Variants in CSMD1 observed in about 807,000 individuals in gnomAD.
CSMD1 encodes CUB and sushi domain-containing protein 1.
Under a neutral mutation model 417.5 loss-of-function variants are expected in CSMD1, and 213 were observed. The ratio of observed to expected loss-of-function variants is 0.51; its 90% CI spans 0.46 to 0.57. The LOEUF is 0.57. Among genes scored for constraint, CSMD1 ranks in the 20% least tolerant of loss-of-function variants. CSMD1 has a pLI of 0.00. For synonymous variants in CSMD1, 2,862 were observed against 1,736.8 expected, an observed-to-expected ratio of 1.65 and a Z score of -16.11; for missense variants, 6,923 against 4,529.7, an observed-to-expected ratio of 1.53 and a Z score of -15.17.
chr8:4,697,271 C>A (rs1807194924), intron 1 of CSMD1, among the ~76,000 whole-genome samples: 1 of 152,088 alleles, frequency 6.6e-6, no homozygotes, highest in Admixed American at 6.6e-5. Flanking sequence ...GAACATATAG[C>A]AAGACAAGAT....
chr8:4,890,908 G>T (rs1216129434), intron 1 of CSMD1, among the ~76,000 whole-genome samples: 1 of 152,094 alleles, frequency 6.6e-6, no homozygotes, highest in East Asian at 1.9e-4. Flanking sequence ...CACAAGGAGG[G>T]AGTGGTGCAC....
intron 6 of CSMD1, among the ~76,000 whole-genome samples, chr8:3,724,974 A>G (rs1802400053): frequency 6.6e-6 from 1 of 152,222 alleles, no homozygotes; most frequent in South Asian, 2.1e-4. Flanking sequence ...CAACGCAACT[A>G]GCTTTGTTTG....
At chr8:4,283,133 A>C (rs990402449) in intron 3 of CSMD1, among the ~76,000 whole-genome samples, 6 of 152,194 alleles carry the variant, frequency 3.9e-5, no homozygotes, top group African/African-American at 1.4e-4. Context: ...CATGGATAAA[A>C]ACACTCAATT....
At chr8:4,163,684 C>T (rs1455414774) in intron 3 of CSMD1, among the ~76,000 whole-genome samples, 1 of 152,056 alleles carries the variant, frequency 6.6e-6, no homozygotes, top group Non-Finnish European at 1.5e-5. Flanking sequence ...CAAGAAGTAA[C>T]ATATAAATAA....
chr8:4,076,367 T>C (rs947967655), intron 3 of CSMD1, among the ~76,000 whole-genome samples: 2 of 152,222 alleles, frequency 1.3e-5, no homozygotes, highest in Non-Finnish European at 2.9e-5. Context: ...CTTTAAAAGT[T>C]ACCCTGTCTG....
chr8:3,148,674 G>C (rs966280993), intron 40 of CSMD1, among the ~76,000 whole-genome samples: 2 of 152,162 alleles, frequency 1.3e-5, no homozygotes, highest in Admixed American at 6.5e-5. Context: ...TTGAAAGCTA[G>C]GTAGTAAAAT....
chr8:3,645,764 G>A (rs1471630236), intron 7 of CSMD1, among the ~76,000 whole-genome samples: 1 of 152,184 alleles, frequency 6.6e-6, no homozygotes, highest in Non-Finnish European at 1.5e-5. Flanking sequence ...GTTATTATAA[G>A]AAAAGGTGAG....
intron 2 of CSMD1, among the ~76,000 whole-genome samples, chr8:4,547,767 G>C (rs1404372985): frequency 1.3e-5 from 2 of 152,170 alleles, no homozygotes; most frequent in Non-Finnish European, 2.9e-5. Flanking sequence ...GAAAACTCTT[G>C]TACCCTGGAA....
intron 12 of CSMD1, among the ~76,000 whole-genome samples, chr8:3,424,656 G>C (rs764780466): frequency 6.6e-6 from 1 of 152,144 alleles, no homozygotes; most frequent in Non-Finnish European, 1.5e-5. Context: ...AAAAAAATGT[G>C]TGTTTCTGTG....
intron 5 of CSMD1, among the ~76,000 whole-genome samples, chr8:3,778,764 T>C (rs1799024823): frequency 1.3e-5 from 2 of 152,220 alleles, no homozygotes; most frequent in South Asian, 4.1e-4. Flanking sequence ...TAATTGCTTG[T>C]GATTGGGTAT....
At chr8:3,588,794 C>G (rs1057083750) in intron 8 of CSMD1, among the ~76,000 whole-genome samples, 2 of 151,920 alleles carry the variant, frequency 1.3e-5, no homozygotes, top group South Asian at 2.1e-4. Context: ...GAAGAGACAC[C>G]CTGCAGAATG....
At position 4,681,417 on chromosome 8, in the gene CSMD1, A is replaced by G. The variant is rs537259409; in HGVS notation, c.86-43859T>C. Among the ~76,000 whole-genome samples the G allele has an allele frequency of 2.6e-4, 39 of 152,286 alleles. No individual in the cohort carries two copies. The South Asian group carries it at 8.1e-3, about 32-fold the overall frequency. ...CAGTATCTATTTCCCTCTTTCCATC[A>G]TCTTTACAAAACCCCAGCTTTTCCA... On this transcript the variant is annotated intron_variant, in intron 1 of 69. Transcript: ENST00000635120.
At chr8:4,437,433 T>C (rs1162070719) in intron 2 of CSMD1, among the ~76,000 whole-genome samples, 2 of 152,176 alleles carry the variant, frequency 1.3e-5, no homozygotes, top group African/African-American at 4.8e-5. Context: ...GTCATGATTA[T>C]CCGTAAAATC....
At chr8:4,719,070 T>C (rs1352865381) in intron 1 of CSMD1, among the ~76,000 whole-genome samples, 1 of 152,054 alleles carries the variant, frequency 6.6e-6, no homozygotes, top group African/African-American at 2.4e-5. Flanking sequence ...GAGAGAGAGC[T>C]AGAATTTTGT....
chr8:4,581,963 T>C (rs75719971), intron 2 of CSMD1, among the ~76,000 whole-genome samples: 7,499 of 152,232 alleles, frequency 0.049, 320 homozygotes, highest in Middle Eastern at 0.13. Context: ...TAAGGAAGCA[T>C]TTGATGGAAG....
chr8:4,825,241 G>A (rs1799757263), intron 1 of CSMD1, among the ~76,000 whole-genome samples: 1 of 152,010 alleles, frequency 6.6e-6, no homozygotes, highest in Admixed American at 6.6e-5. Flanking sequence ...ATACTTGGAG[G>A]CATTTGAAAT....
intron 7 of CSMD1, among the ~76,000 whole-genome samples, chr8:3,625,747 T>A (rs999337646): frequency 1.3e-5 from 2 of 152,126 alleles, no homozygotes; most frequent in African/African-American, 4.8e-5. Flanking sequence ...CCTACAGAGA[T>A]CCTATGATCT....
intron 26 of CSMD1, among the ~76,000 whole-genome samples, chr8:3,247,461 C>T (rs1252561157): frequency 6.6e-6 from 1 of 152,200 alleles, no homozygotes; most frequent in African/African-American, 2.4e-5. Context: ...CAGATACAAG[C>T]CAAGCTGTCT....
rs1176922148 is a variant in CSMD1, at chr8:2,962,478, G to C, written c.9616C>G (p.Pro3206Ala). Residue 3206 changes from proline to alanine, a missense_variant, in exon 61 of 70, where the codon CCC becomes GCC. Coordinates refer to ENST00000635120, the MANE Select transcript of CSMD1 (RefSeq NM_033225.6). ...TGATAATTATTACCAATGCAGGTGG[G>C]TTGTATGCCGCTCCACGTGCCGTCA... The part of the protein sequence containing the change: ...QADGTWSGIQ[P>A]TCIDPAHNTC... The C allele has an allele frequency of 6.2e-7, 1 of 1,613,560 alleles. No homozygotes were observed. Among genetic ancestry groups the C allele is most frequent in the Non-Finnish European group, 8.5e-7 (1 of 1,179,658 alleles).
Sources: gnomAD v4.1 joint callset for allele counts (sites outside exome capture counted in the v4.1 genomes callset) on GRCh38, gnomAD v4.1.1 for gene constraint, MANE v1.5 for transcripts, NCBI Gene and HGNC (gene_info 2026-07-23, HGNC 2026-07-21) for gene names.